TEKT3: variants seen among roughly 807,000 people sequenced by gnomAD.
TEKT3 encodes tektin-3.
TEKT3 carries 49 observed loss-of-function variants against 49.8 expected under a neutral mutation model. That is an observed-to-expected ratio of 0.98 (90% confidence interval 0.78 to 1.25). TEKT3 has a LOEUF of 1.25. Ranked by LOEUF, TEKT3 falls within the 50% of genes most tolerant of loss-of-function variation. The pLI, the probability that TEKT3 is intolerant of heterozygous loss-of-function variation, is 0.00. For synonymous variants in TEKT3, 225 were observed against 237.2 expected, an observed-to-expected ratio of 0.95 and a Z score of 0.47; for missense variants, 595 against 629.5, an observed-to-expected ratio of 0.95 and a Z score of 0.59.
intron 3 of TEKT3, among the ~76,000 whole-genome samples, chr17:15,330,595 G>A (rs116634649): frequency 0.013 from 2,052 of 152,240 alleles, 48 homozygotes; most frequent in African/African-American, 0.047. Context: ...CTCCCCAGAA[G>A]CAGAAGCCAT....
At chr17:15,305,744 T>C (rs554117972) in intron 8 of TEKT3, among the ~76,000 whole-genome samples, 14 of 150,706 alleles carry the variant, frequency 9.3e-5, no homozygotes, top group East Asian at 1.9e-4. Flanking sequence ...AAATTTTATC[T>C]GGGAGGGAAC....
chr17:15,337,072 T>A (rs1912008198), intron 2 of TEKT3, among the ~76,000 whole-genome samples: 1 of 151,310 alleles, frequency 6.6e-6, no homozygotes, highest in Admixed American at 6.6e-5. Context: ...AGAAAAAAAA[T>A]AATAAAAATA....
In TEKT3 at chr17:15,304,830, C is replaced by T. The variant is rs544198082; in HGVS notation, c.1257-678G>A. Among the ~76,000 whole-genome samples, 7 of 152,286 alleles carry T rather than the reference C, an allele frequency of 4.6e-5. No homozygotes were observed. Among genetic ancestry groups the T allele is most frequent in the African/African-American group, 1.4e-4 (6 of 41,568 alleles). ...AATGCTCCTAACCCATTCTTCATCC[C>T]GCTAATTTATCCCATCCTCAAATCC... On this transcript the variant is annotated intron_variant, in intron 8 of 8. Coordinates refer to ENST00000395930, the MANE Select transcript of TEKT3 (RefSeq NM_031898.3). This position sits in a 1 kb window ranked among gnomAD's most constrained non-coding sequence, Gnocchi z 4.7.
intron 4 of TEKT3, among the ~76,000 whole-genome samples, chr17:15,324,080 G>A (rs947056142): frequency 5.3e-5 from 8 of 152,078 alleles, no homozygotes; most frequent in Non-Finnish European, 7.3e-5. Flanking sequence ...CCCATTAGCT[G>A]TCACCCACAA....
rs183299799 is a variant in TEKT3 at position 15,323,646 on chromosome 17, T to C, written c.663+4346A>G. Among the ~76,000 whole-genome samples, 397 of 152,352 alleles carry C rather than the reference T, an allele frequency of 2.6e-3. 2 individuals are homozygous for C. The highest frequency in any genetic ancestry group is 3.1e-3 in the South Asian group (15 of 4,826). On this transcript the variant is annotated intron_variant, in intron 4 of 8. Coordinates refer to ENST00000395930, the MANE Select transcript of TEKT3 (RefSeq NM_031898.3). ...TAAGGCTACTTCTTTCCTTTGCTAA[T>C]ACACATTTAATTATTCTAAAAATTA...
intron 5 of TEKT3, among the ~76,000 whole-genome samples, chr17:15,318,225 G>A (rs1016154895): frequency 1.3e-5 from 2 of 151,932 alleles, no homozygotes; most frequent in Non-Finnish European, 2.9e-5. Flanking sequence ...TCCTGACATC[G>A]TGATCTGCCC....
Position 15,314,095 on chromosome 17 carries a change from G to C in TEKT3, c.870C>G (p.Val290=). ...GVGYFRGVER[V]DATVSVPESW... is the part of the protein sequence containing the mutation. ...GCGTGTGCCTGACTTACGTTGCATC[G>C]ACCCTCTCCACTCCGCGGAAGTAGC... The change falls in exon 6 of 9, where the codon GTC becomes GTG. Residue 290 remains valine (V), a synonymous_variant. Transcript: ENST00000395930. The C allele has an allele frequency of 6.2e-7, 1 of 1,614,138 alleles. No individual in the cohort carries two copies. Among genetic ancestry groups the C allele is most frequent in the Non-Finnish European group, 8.5e-7 (1 of 1,180,026 alleles).
At position 15,306,107 on chromosome 17, in the gene TEKT3, G is replaced by A. The variant is rs1476711859; in HGVS notation, c.1257-1955C>T. Among the ~76,000 whole-genome samples the A allele has an allele frequency of 7.9e-3, 1,192 of 151,356 alleles. 75 individuals carry two copies. In the East Asian group the frequency reaches 0.14, roughly 18 times the overall value. ...TATATATATGTGTGTGTGTGTGTGT[G>A]TGTGTGTGTGTGTGTGTGTGTGCAT... On this transcript the variant is annotated intron_variant, in intron 8 of 8. Coordinates refer to ENST00000395930, the MANE Select transcript of TEKT3 (RefSeq NM_031898.3).
In TEKT3 at chr17:15,304,233, G is replaced by A; in HGVS notation, c.1257-81C>T. ...AGTACATCACATTGTAACCAGCGATGCAAAGCTCACATTTTCTTTACTTTA... is the reference window on the plus strand; with the variant it reads ...AGTACATCACATTGTAACCAGCGATACAAAGCTCACATTTTCTTTACTTTA... On this transcript the variant is annotated intron_variant, in intron 8 of 8. Coordinates refer to ENST00000395930, the MANE Select transcript of TEKT3 (RefSeq NM_031898.3). This position sits in a 1 kb window ranked among gnomAD's most constrained non-coding sequence, Gnocchi z 4.7. The A allele has an allele frequency of 1.4e-6, 2 of 1,391,292 alleles. No individual in the cohort carries two copies. The highest frequency in any genetic ancestry group is 2.3e-5 in the East Asian group (1 of 42,836). 86.2% of individuals were successfully genotyped at this position (1,391,292 alleles called of 1,614,324 possible). A position where few individuals can be genotyped will look rare whatever the true frequency, so the allele number is the denominator to read the frequency against.
chr17:15,322,921 A>T (rs1281589062), intron 4 of TEKT3, among the ~76,000 whole-genome samples: 3 of 152,194 alleles, frequency 2.0e-5, no homozygotes, highest in Non-Finnish European at 4.4e-5. Flanking sequence ...ATTTCCTTTC[A>T]TTAGAGATCT....
rs774480355 is a variant in TEKT3, at chr17:15,332,008, G to A, written c.-29-394C>T. On this transcript the variant is annotated intron_variant, in intron 2 of 8. Transcript: ENST00000395930. ...AGCCTAGCCAACAAGACGAAATGTC[G>A]TCTCTGTTAAAAATACAAAAATTAG... 6.0e-5 allele frequency among the ~76,000 whole-genome samples: 9 copies of A among 151,206 alleles called. No individual in the cohort carries two copies. In the South Asian group the frequency reaches 8.3e-4, roughly 14 times the overall value.
In TEKT3 at chr17:15,308,652, C is replaced by T. The variant is rs755889446; in HGVS notation, c.1256+12G>A. On this transcript the variant is annotated intron_variant, in intron 8 of 8. Transcript: ENST00000395930. Reference sequence around the variant, plus strand: ...CTCCGAGCGAGCCCCGAGCCTTCCCCTCCCACCTTACCGTAGCTGAGCCAT... The same window carrying T: ...CTCCGAGCGAGCCCCGAGCCTTCCCTTCCCACCTTACCGTAGCTGAGCCAT... 2.5e-6 allele frequency: 4 copies of T among 1,600,952 alleles called. No homozygotes were observed. The African/African-American group carries it at 4.0e-5, about 16-fold the overall frequency.
At chr17:15,333,475 G>T (rs967412079) in intron 2 of TEKT3, among the ~76,000 whole-genome samples, 4 of 152,028 alleles carry the variant, frequency 2.6e-5, no homozygotes, top group Admixed American at 6.6e-5. Context: ...GCCCCCAAAC[G>T]TGTTATACTG....
chr17:15,312,722 G>A (rs913840745), intron 6 of TEKT3, among the ~76,000 whole-genome samples: 1 of 152,116 alleles, frequency 6.6e-6, no homozygotes, highest in Non-Finnish European at 1.5e-5. Context: ...GTTTCAAGGG[G>A]CAAAAGGATT....
intron 4 of TEKT3, among the ~76,000 whole-genome samples, chr17:15,323,548 A>G (rs556901222): frequency 6.6e-6 from 1 of 152,254 alleles, no homozygotes; most frequent in Non-Finnish European, 1.5e-5. Flanking sequence ...ACTGAACGTA[A>G]TAGTCAACAG....
intron 8 of TEKT3, among the ~76,000 whole-genome samples, chr17:15,305,552 C>T (rs923436354): frequency 6.6e-6 from 1 of 152,062 alleles, no homozygotes; most frequent in Non-Finnish European, 1.5e-5. Context: ...ACATCTTCGG[C>T]GAGGCTGCCG....
upstream of TEKT3, among the ~76,000 whole-genome samples, chr17:15,343,667 A>G (rs897070969): frequency 2.0e-5 from 3 of 152,244 alleles, no homozygotes; most frequent in African/African-American, 7.2e-5. Flanking sequence ...GTAGGAAACT[A>G]TCAAAGATAC....
chr17:15,330,776 T>C (rs1222634652), intron 3 of TEKT3, among the ~76,000 whole-genome samples: 1 of 152,218 alleles, frequency 6.6e-6, no homozygotes, highest in Admixed American at 6.5e-5. Context: ...TGGTCTTCTT[T>C]GCTTTGCATT....
chr17:15,323,869 T>C (rs1405985130), intron 4 of TEKT3, among the ~76,000 whole-genome samples: 2 of 152,210 alleles, frequency 1.3e-5, no homozygotes, highest in South Asian at 4.1e-4. Context: ...ACCCCCCTGC[T>C]ACTGACCTAG....
Sources: gnomAD v4.1 joint callset for allele counts (sites outside exome capture counted in the v4.1 genomes callset) on GRCh38, gnomAD v4.1.1 for gene constraint, Gnocchi (gnomAD v3.1) non-coding constraint, MANE v1.5 for transcripts, NCBI Gene and HGNC (gene_info 2026-07-23, HGNC 2026-07-21) for gene names.